The following TMEM50A variants were observed in gnomAD, a reference collection of about 807,000 sequenced individuals.
TMEM50A encodes cervical cancer oncogene 9.
A neutral mutation model predicts 23.9 loss-of-function variants in TMEM50A; 8 were observed. The ratio of observed to expected loss-of-function variants is 0.33; its 90% confidence interval spans 0.20 to 0.60. The LOEUF (loss-of-function observed/expected upper bound fraction) is 0.60, where lower values mean the gene tolerates loss of function less well. Among genes scored for constraint, TMEM50A ranks in the 20% least tolerant of loss-of-function variants. The probability of loss-of-function intolerance (pLI) is 0.81; values close to 1 mark genes in which losing one functional copy is unlikely to be tolerated. For synonymous variants in TMEM50A, 55 were observed against 60.4 expected, an observed-to-expected ratio of 0.91 and a Z score of 0.41; for missense variants, 178 against 192.7, an observed-to-expected ratio of 0.92 and a Z score of 0.45.
At chr1:25,352,127 G>C (rs889368437) in intron 4 of TMEM50A, among the ~76,000 whole-genome samples, 3 of 152,112 alleles carry the variant, frequency 2.0e-5, no homozygotes, top group African/African-American at 7.2e-5. Context: ...AAATATGGTA[G>C]CTTGGAGATT....
At chr1:25,345,495 G>A (rs971115395) in intron 3 of TMEM50A, among the ~76,000 whole-genome samples, 50 of 151,868 alleles carry the variant, frequency 3.3e-4, no homozygotes, top group African/African-American at 1.2e-3. Flanking sequence ...CAGGAGAATC[G>A]CTTGAACCCA....
At position 25,360,759 on chromosome 1, in the gene TMEM50A, T is replaced by C. The variant is rs1390804301; in HGVS notation, c.*54T>C. 2.5e-6 allele frequency: 4 copies of C among 1,582,744 alleles called. No individual in the cohort carries two copies. The highest frequency in any genetic ancestry group is 2.7e-5 in the African/African-American group (2 of 74,270). On this transcript the variant is annotated 3_prime_UTR_variant, in exon 7 of 7. Transcript: ENST00000374358. ...CCCTGCATGGGTTTGTTTGTTTTTT[T>C]ACTGCTCACTCCCAACCTTTTGTAA... is the stretch of plus-strand genomic sequence containing the variant.
chr1:25,353,094 A>C (rs1317286591), intron 5 of TMEM50A, 120 bp downstream of exon 5: 3 of 751,756 alleles, frequency 4.0e-6, no homozygotes, highest in South Asian at 1.9e-5. Context: ...CGATGCATTT[A>C]TATCCGGGAC....
rs1340882084 is a variant in TMEM50A, at chr1:25,362,239, G to C, written c.*1534G>C. 1.7e-6 allele frequency: 1 copy of C among 604,450 alleles called. No individual in the cohort carries two copies. Among genetic ancestry groups the C allele is most frequent in the Non-Finnish European group, 2.8e-6 (1 of 353,372 alleles). The allele number at this position is 604,450 out of a possible 1,614,324, so 37.4% of individuals were successfully genotyped here. ...TATTAAGCATGAGAAAGAATCTTAA[G>C]AATTGTCAATAAAATTAACCCAAAA... On this transcript the variant is annotated 3_prime_UTR_variant, in exon 7 of 7. Transcript: ENST00000374358.
At chr1:25,356,878 G>A (rs1321337631) in intron 6 of TMEM50A, 25 bp downstream of exon 6, 1 of 1,526,568 alleles carries the variant, frequency 6.6e-7, no homozygotes, top group East Asian at 2.3e-5. Context: ...CATTCTTTAT[G>A]TTTGTTTGTT....
At chr1:25,349,792 C>T (rs1365875396) in intron 3 of TMEM50A, among the ~76,000 whole-genome samples, 1 of 152,204 alleles carries the variant, frequency 6.6e-6, no homozygotes, top group Non-Finnish European at 1.5e-5. Context: ...GTGCGAAGCC[C>T]CTAGCCTTGT....
chr1:25,360,342 C>G (rs1645385310), intron 6 of TMEM50A, among the ~76,000 whole-genome samples: 1 of 144,042 alleles, frequency 6.9e-6, no homozygotes, highest in Non-Finnish European at 1.5e-5. Flanking sequence ...GAGCAAGACT[C>G]TGTCTCAAAA....
intron 2 of TMEM50A, among the ~76,000 whole-genome samples, chr1:25,340,833 G>A (rs1388254425): frequency 6.6e-6 from 1 of 152,150 alleles, no homozygotes; most frequent in African/African-American, 2.4e-5. Flanking sequence ...TTCATTATAT[G>A]GATTATATCT....
rs1557587407 is a variant in TMEM50A, at chr1:25,352,865, A to G, written c.275-17A>G. 6.2e-7 allele frequency: 1 copy of G among 1,608,612 alleles called. No homozygotes were observed. The highest frequency in any genetic ancestry group is 8.5e-7 in the Non-Finnish European group (1 of 1,177,966). On this transcript the variant is annotated splice_polypyrimidine_tract_variant and intron_variant, in intron 4 of 6. Coordinates refer to ENST00000374358, the MANE Select transcript of TMEM50A (RefSeq NM_014313.4). ...CCCTATAAGAAAGAATTCTGGTAAA[A>G]TATTATTTCTTTGAAGGTGCTCGCA...
intron 6 of TMEM50A, among the ~76,000 whole-genome samples, chr1:25,357,794 C>A (rs1645351005): frequency 1.3e-5 from 2 of 151,668 alleles, no homozygotes; most frequent in African/African-American, 2.4e-5. Flanking sequence ...CACGCCACCA[C>A]GCCTGGCTAT....
intron 1 of TMEM50A, among the ~76,000 whole-genome samples, chr1:25,339,877 A>G (rs957510960): frequency 1.3e-5 from 2 of 152,208 alleles, no homozygotes; most frequent in African/African-American, 2.4e-5. Flanking sequence ...AATTTTTTCA[A>G]TATTTGGAGA....
chr1:25,350,056 G>A (rs1645261098), intron 3 of TMEM50A, among the ~76,000 whole-genome samples: 1 of 152,160 alleles, frequency 6.6e-6, no homozygotes, highest in African/African-American at 2.4e-5. Context: ...AACACCTTAT[G>A]TTTAGAGCCT....
At chr1:25,351,840 T>A in intron 4 of TMEM50A, 147 bp downstream of exon 4, 1 of 687,642 alleles carries the variant, frequency 1.5e-6, no homozygotes, top group Non-Finnish European at 2.3e-6. Context: ...GTTTTGGGCT[T>A]GAAATTGGGA....
At chr1:25,342,335 GT>G (rs3093586) in intron 2 of TMEM50A, among the ~76,000 whole-genome samples, 8,677 of 152,202 alleles carry the variant, frequency 0.057, 282 homozygotes, top group Middle Eastern at 0.13. Context: ...GATAAAAACT[GT>G]TTTTGAAGTT....
chr1:25,362,187 G>C lies in TMEM50A; in HGVS notation c.*1482G>C, dbSNP rs1017227567. 4.2e-6 allele frequency: 2 copies of C among 471,382 alleles called. No individual in the cohort carries two copies. Among genetic ancestry groups the C allele is most frequent in the African/African-American group, 3.9e-5 (2 of 51,068 alleles). The allele number at this position is 471,382 out of a possible 1,614,324, so 29.2% of individuals were successfully genotyped here. On this transcript the variant is annotated 3_prime_UTR_variant, in exon 7 of 7. Coordinates refer to ENST00000374358, the MANE Select transcript of TMEM50A (RefSeq NM_014313.4). The stretch of plus-strand genomic sequence containing the variant: ...TTGTATTATCTGCTTTGCTGATGTA[G>C]ACAAGAGTTAACTGAGTAGCATGCT...
chr1:25,360,580 G>C, intron 6 of TMEM50A, 80 bp from the exon 7 acceptor site: 1 of 1,512,804 alleles, frequency 6.6e-7, no homozygotes, highest in South Asian at 1.1e-5. Flanking sequence ...TTCGTTGTTT[G>C]TTTCACACCA....
intron 3 of TMEM50A, among the ~76,000 whole-genome samples, chr1:25,350,103 A>C (rs1419278509): frequency 6.6e-6 from 1 of 152,214 alleles, no homozygotes; most frequent in Non-Finnish European, 1.5e-5. Flanking sequence ...TTACCACTTG[A>C]ATCTCTATTC....
Position 25,361,097 on chromosome 1 carries a change from T to G in TMEM50A, c.*392T>G, listed in dbSNP as rs1196908526. 1 of 165,728 alleles carries G rather than the reference T, an allele frequency of 6.0e-6. No individual in the cohort carries two copies. The highest frequency in any genetic ancestry group is 2.4e-5 in the African/African-American group (1 of 41,780). 10.3% of individuals were successfully genotyped at this position (165,728 alleles called of 1,614,324 possible). On this transcript the variant is annotated 3_prime_UTR_variant, in exon 7 of 7. Transcript: ENST00000374358. ...GTTTATTCAAATGTGGTCTCTTCTGTGTCAAATGTTAAATGAAATATAAAC... is the reference window on the plus strand; with the variant it reads ...GTTTATTCAAATGTGGTCTCTTCTGGGTCAAATGTTAAATGAAATATAAAC...
chr1:25,342,915 G>T, intron 2 of TMEM50A, 46 bp from the exon 3 acceptor site: 1 of 1,516,242 alleles, frequency 6.6e-7, no homozygotes, highest in Non-Finnish European at 9.1e-7. Context: ...TAGCCAGTGA[G>T]ATACAGAATT....
Sources: allele counts gnomAD v4.1 joint callset (sites outside exome capture counted in the v4.1 genomes callset), GRCh38; gene constraint gnomAD v4.1.1; transcripts MANE v1.5; gene names NCBI Gene and HGNC (gene_info 2026-07-23, HGNC 2026-07-21).